The following ENOSF1 variants were observed in gnomAD, a reference collection of about 807,000 sequenced individuals.
The protein encoded by ENOSF1 is mitochondrial enolase superfamily member 1.
ENOSF1 carries 73 observed loss-of-function variants against 68.2 expected under a neutral mutation model. The observed-to-expected ratio is 1.07, with a 90% CI of 0.89 to 1.30. The LOEUF is 1.30. Ranked by LOEUF, ENOSF1 falls within the 50% of genes most tolerant of loss-of-function variation. The pLI is 0.00. For missense variants in ENOSF1, 589 were observed against 554.5 expected, an observed-to-expected ratio of 1.06 and a Z score of -0.62; for synonymous variants, 223 against 210.4, an observed-to-expected ratio of 1.06 and a Z score of -0.52.
At chr18:698,510 T>A (rs1368624150) in intron 2 of ENOSF1, among the ~76,000 whole-genome samples, 1 of 152,248 alleles carries the variant, frequency 6.6e-6, no homozygotes, top group Non-Finnish European at 1.5e-5. Context: ...TGTCTTAACA[T>A]GAAATTTCTT....
intron 10 of ENOSF1, 48 bp from the exon 11 acceptor site, chr18:683,428 A>G: frequency 6.2e-7 from 1 of 1,604,506 alleles, no homozygotes; most frequent in East Asian, 2.2e-5. Context: ...AGCCAACCTC[A>G]CAGCAGGGCT....
Position 678,685 on chromosome 18 carries a change from G to A in ENOSF1, c.918+11C>T, listed in dbSNP as rs754926313. On this transcript the variant is annotated intron_variant, in intron 12 of 15. Transcript: ENST00000647584. ...AGGGGACGTCATCCACCTGTTGGGG[G>A]CGTCACTCACCTGTTCTCCTGTGGC... is the stretch of plus-strand genomic sequence containing the variant. 2 of 1,613,602 alleles carry A rather than the reference G, an allele frequency of 1.2e-6. No homozygotes were observed. Among genetic ancestry groups the A allele is most frequent in the South Asian group, 1.1e-5 (1 of 91,060 alleles).
In ENOSF1 at chr18:691,199, C is replaced by T. The variant is rs374660491; in HGVS notation, c.496+5G>A. On this transcript the variant is annotated splice_donor_5th_base_variant and intron_variant, in intron 6 of 15. Coordinates refer to ENST00000647584, the MANE Select transcript of ENOSF1 (RefSeq NM_017512.7). Reference sequence around the variant, plus strand: ...TCGTGTATCCCAGAAAGCTTCCAAACTCACCTAGGGCATCCTCCTCAGTCA... The same window carrying T: ...TCGTGTATCCCAGAAAGCTTCCAAATTCACCTAGGGCATCCTCCTCAGTCA... 4.2e-5 allele frequency: 68 copies of T among 1,614,158 alleles called. 1 individual carries two copies. The highest frequency in any genetic ancestry group is 6.6e-5 in the South Asian group (6 of 91,082).
rs1430452666 is a variant in ENOSF1 at position 674,295 on chromosome 18, G to A, written c.*10C>T. 2 of 1,589,778 alleles carry A rather than the reference G, an allele frequency of 1.3e-6. No homozygotes were observed. The highest frequency in any genetic ancestry group is 1.7e-6 in the Non-Finnish European group (2 of 1,163,854). On this transcript the variant is annotated 3_prime_UTR_variant, in exon 16 of 16. Transcript: ENST00000647584. ...ACTTCAGAAAGAAAAAAGTTGTTGGGGCTGAGCACTTAATTTTCTTGAGCA... is the reference window on the plus strand; with the variant it reads ...ACTTCAGAAAGAAAAAAGTTGTTGGAGCTGAGCACTTAATTTTCTTGAGCA...
Position 685,813 on chromosome 18 carries a change from C to T in ENOSF1, c.741+108G>A. On this transcript the variant is annotated intron_variant, in intron 10 of 15. Transcript: ENST00000647584. ...CTGCAAGACCACAGAAGTGTACTTC[C>T]TCTGACAATTAACTTTTTAAATTCC... The T allele has an allele frequency of 8.8e-6, 8 of 906,014 alleles. No homozygotes were observed. In the South Asian group the frequency reaches 1.1e-4, roughly 13 times the overall value. The allele number at this position is 906,014 out of a possible 1,614,324, so 56.1% of individuals were successfully genotyped here.
chr18:672,734 C>T lies in ENOSF1; in HGVS notation c.*1571G>A, dbSNP rs1366208267. On this transcript the variant is annotated 3_prime_UTR_variant, in exon 16 of 16. Coordinates refer to ENST00000647584, the MANE Select transcript of ENOSF1 (RefSeq NM_017512.7). Reference sequence around the variant, plus strand: ...TACATAACCTACGGCAAGGTATCGACAGGATCATACTCCTGTAAAATAGAA... The same window carrying T: ...TACATAACCTACGGCAAGGTATCGATAGGATCATACTCCTGTAAAATAGAA... 9.1e-7 allele frequency: 1 copy of T among 1,103,294 alleles called. No individual in the cohort carries two copies. The highest frequency in any genetic ancestry group is 2.4e-5 in the East Asian group (1 of 41,714). 68.3% of individuals were successfully genotyped at this position (1,103,294 alleles called of 1,614,324 possible).
At chr18:667,010 GT>G (rs1343454309), downstream of ENOSF1, among the ~76,000 whole-genome samples, 1 of 7,330 alleles carries the variant, frequency 1.4e-4, no homozygotes. Context: ...GATGGTGATG[GT>G]GATGGAGATG....
At position 688,568 on chromosome 18, in the gene ENOSF1, A is replaced by G. The variant is rs756377905; in HGVS notation, c.653+6T>C. On this transcript the variant is annotated splice_donor_region_variant and intron_variant, in intron 9 of 15. Coordinates refer to ENST00000647584, the MANE Select transcript of ENOSF1 (RefSeq NM_017512.7). ...CTGGGAAAGTCAGGTCCATCATCAC[A>G]CTCACCTGGTCCAGCCATCCTTCAG... The G allele has an allele frequency of 1.2e-6, 2 of 1,613,836 alleles. No homozygotes were observed. The highest frequency in any genetic ancestry group is 1.1e-5 in the South Asian group (1 of 91,076).
At chr18:692,923 G>A in intron 5 of ENOSF1, 2 of 1,176,730 alleles carry the variant, frequency 1.7e-6, no homozygotes, top group South Asian at 3.3e-5. Context: ...CAAGGCCATG[G>A]TGTTCTTTGT....
intron 7 of ENOSF1, 21 bp from the exon 8 acceptor site, chr18:690,652 C>A: frequency 1.2e-6 from 2 of 1,613,006 alleles, no homozygotes; most frequent in Non-Finnish European, 1.7e-6. Context: ...ACAGCGCCGT[C>A]AACATTTTGC....
intron 13 of ENOSF1, 80 bp downstream of exon 13, chr18:677,663 G>A (rs2075650552): frequency 2.0e-6 from 3 of 1,525,398 alleles, no homozygotes; most frequent in Admixed American, 2.1e-5. Context: ...TCCCATGCAT[G>A]TGAATTGCAA....
At chr18:699,693 T>A (rs374095476) in intron 2 of ENOSF1, among the ~76,000 whole-genome samples, 280 of 152,326 alleles carry the variant, frequency 1.8e-3, no homozygotes, top group Non-Finnish European at 3.5e-3. Context: ...GGTGCTGCCG[T>A]GGATTCAATA....
intron 14 of ENOSF1, among the ~76,000 whole-genome samples, chr18:676,154 C>T (rs973217488): frequency 6.6e-6 from 1 of 152,182 alleles, no homozygotes; most frequent in Non-Finnish European, 1.5e-5. Flanking sequence ...TCAGGTTCTG[C>T]GTCAGCCACT....
At chr18:668,926 A>T, downstream of ENOSF1, 1 of 598,176 alleles carries the variant, frequency 1.7e-6, no homozygotes, top group Non-Finnish European at 2.9e-6. Context: ...GAGATCTGCA[A>T]ACTTTGCAGG....
At chr18:690,702 A>AAGATGTTTCCCCTGGAGAGTCC in intron 7 of ENOSF1, 71 bp from the exon 8 acceptor site, 1 of 1,579,838 alleles carries the variant, frequency 6.3e-7, no homozygotes, top group Non-Finnish European at 8.6e-7. Context: ...GCCTGTAGCT[A>AAGATGTTTCCCCTGGAGAGTCC]AGCTGTTTCC....
In ENOSF1 at chr18:673,187, A is replaced by C. The variant is rs906413936; in HGVS notation, c.*1118T>G. The C allele has an allele frequency of 3.8e-6, 2 of 529,398 alleles. No individual in the cohort carries two copies. Among genetic ancestry groups the C allele is most frequent in the African/African-American group, 3.7e-5 (2 of 53,518 alleles). The allele number at this position is 529,398 out of a possible 1,614,324, so 32.8% of individuals were successfully genotyped here. ...CTGTGCCAGTTCTTTCCATAATAAA[A>C]GGCTTTGAGTTAACTCACTGAGGGT... On this transcript the variant is annotated 3_prime_UTR_variant, in exon 16 of 16. Coordinates refer to ENST00000647584, the MANE Select transcript of ENOSF1 (RefSeq NM_017512.7).
At chr18:701,699 G>A (rs2078360789) in intron 2 of ENOSF1, among the ~76,000 whole-genome samples, 1 of 151,516 alleles carries the variant, frequency 6.6e-6, no homozygotes, top group African/African-American at 2.4e-5. Flanking sequence ...AGAGCTTGCA[G>A]TGAGCTGAGA....
At chr18:669,220 A>G (rs746372732), downstream of ENOSF1, 1 of 1,551,942 alleles carries the variant, frequency 6.4e-7, no homozygotes, top group Non-Finnish European at 8.9e-7. Context: ...ATACTCTTAG[A>G]GGGAAGCAAT....
intron 7 of ENOSF1, 136 bp from the exon 8 acceptor site, chr18:690,767 C>A: frequency 6.7e-7 from 1 of 1,500,960 alleles, no homozygotes; most frequent in Non-Finnish European, 8.9e-7. Flanking sequence ...CACCCAGCCA[C>A]AAATTACTAG....
Sources: allele counts gnomAD v4.1 joint callset (sites outside exome capture counted in the v4.1 genomes callset), GRCh38; gene constraint gnomAD v4.1.1; transcripts MANE v1.5; gene names NCBI Gene and HGNC (gene_info 2026-07-23, HGNC 2026-07-21).